The following PAK6 variants were observed in gnomAD, a reference collection of about 807,000 sequenced individuals.
PAK6 encodes serine/threonine-protein kinase PAK 6.
PAK6 carries 33 observed loss-of-function variants against 60.8 expected under a neutral mutation model. The observed-to-expected ratio is 0.54, with a 90% CI of 0.41 to 0.73. The LOEUF (loss-of-function observed/expected upper bound fraction) is 0.73, where lower values mean the gene tolerates loss of function less well. Ranked by LOEUF, PAK6 falls within the 30% of genes least tolerant of loss-of-function variation. The pLI is 0.00. For missense variants in PAK6, 845 were observed against 904.1 expected, an observed-to-expected ratio of 0.93 and a Z score of 0.84; for synonymous variants, 404 against 378.5, an observed-to-expected ratio of 1.07 and a Z score of -0.78.
intron 2 of PAK6, chr15:40,252,681 C>T: frequency 7.6e-7 from 1 of 1,311,172 alleles, no homozygotes. Context: ...CCTGGGCTTC[C>T]CGCTCCGCAG....
chr15:40,260,974 C>T (rs951707713), intron 3 of PAK6, among the ~76,000 whole-genome samples: 5 of 151,736 alleles, frequency 3.3e-5, no homozygotes, highest in South Asian at 2.1e-4. Flanking sequence ...CTGCAAGCTC[C>T]GCCTCCCAGG....
intron 5 of PAK6, among the ~76,000 whole-genome samples, chr15:40,268,059 A>G (rs1314311807): frequency 6.6e-6 from 1 of 152,180 alleles, no homozygotes; most frequent in African/African-American, 2.4e-5. Flanking sequence ...AGTACTCACC[A>G]TGGGCCACTG....
rs972693172 is a variant in PAK6, at chr15:40,274,021, A to G, written c.1744-121A>G. On this transcript the variant is annotated intron_variant, in intron 9 of 10. Transcript: ENST00000560346. ...AGGGCAGGTGACCAGGGGAGGAAGG[A>G]GACAGACCCACCAAGGAGAGCTGGG... The G allele has an allele frequency of 9.2e-6, 11 of 1,190,024 alleles. No individual in the cohort carries two copies. In the East Asian group the frequency reaches 2.3e-4, roughly 25 times the overall value. 73.7% of individuals were successfully genotyped at this position (1,190,024 alleles called of 1,614,324 possible). A position where few individuals can be genotyped will look rare whatever the true frequency, so the allele number is the denominator to read the frequency against.
intron 3 of PAK6, chr15:40,258,771 T>A (rs1442719189): frequency 6.6e-6 from 1 of 152,218 alleles, no homozygotes; most frequent in African/African-American, 2.4e-5. Context: ...CTTCTTGAAC[T>A]GGTTTGGGCT....
At position 40,273,689 on chromosome 15, in the gene PAK6, T is replaced by TC; in HGVS notation, c.1743+15dup. 6 of 1,612,354 alleles carry TC rather than the reference T, an allele frequency of 3.7e-6. No homozygotes were observed. Among genetic ancestry groups the TC allele is most frequent in the Non-Finnish European group, 5.1e-6 (6 of 1,178,856 alleles). On this transcript the variant is annotated intron_variant, in intron 9 of 10. Coordinates refer to ENST00000560346, the Ensembl canonical transcript of PAK6. Reference sequence around the variant, plus strand: ...GTATGCCACTGAGGTAACCGTTCCCTCCACCCCCCAGACCTCCCAAAAGCA... The same window carrying TC: ...GTATGCCACTGAGGTAACCGTTCCCTCCCACCCCCCAGACCTCCCAAAAGCA...
In PAK6 at chr15:40,266,166, GCA is replaced by G; in HGVS notation, c.532_533del (p.Gln178ValfsTer36). On this transcript the variant is annotated frameshift_variant, in exon 5 of 11. Coordinates refer to ENST00000560346, the Ensembl canonical transcript of PAK6. LOFTEE classifies it high-confidence loss of function. ...CCTGCCCAATGGGCTGGCTGCAAAG[GCA>G]CAGTCCCTGGGCCCCGCCGAGTTTC... 1 of 1,609,096 alleles carries G rather than the reference GCA, an allele frequency of 6.2e-7. No individual in the cohort carries two copies. The highest frequency in any genetic ancestry group is 2.2e-5 in the East Asian group (1 of 44,868).
chr15:40,253,495 C>A (rs2038748175), intron 3 of PAK6, among the ~76,000 whole-genome samples: 1 of 152,240 alleles, frequency 6.6e-6, no homozygotes, highest in Non-Finnish European at 1.5e-5. Flanking sequence ...GCCCCATGGC[C>A]CCACGGTAGG....
At chr15:40,251,589 T>G (rs1306791870) in intron 2 of PAK6, 1 of 152,532 alleles carries the variant, frequency 6.6e-6, no homozygotes, top group Non-Finnish European at 1.5e-5. Flanking sequence ...CTGTCCTTGG[T>G]CCCCGCTCTG....
chr15:40,272,709 G>T, exon 6 of PAK6: 1 of 1,589,648 alleles, frequency 6.3e-7, no homozygotes, highest in Non-Finnish European at 8.6e-7. Flanking sequence ...GCAGGGAGCT[G>T]CTCTTCAACG....
chr15:40,241,349 G>A (rs975032668), intron 2 of PAK6, among the ~76,000 whole-genome samples: 1 of 152,190 alleles, frequency 6.6e-6, no homozygotes, highest in Non-Finnish European at 1.5e-5. Context: ...TTCTGCCTGG[G>A]GTCTTCCTGA....
chr15:40,264,356 G>T (rs1030418682), intron 3 of PAK6: 2 of 447,446 alleles, frequency 4.5e-6, no homozygotes, highest in Non-Finnish European at 8.9e-6. Context: ...TCCTTATCTG[G>T]TTTTAAGAAT....
At chr15:40,265,781 AGCCACCCCTCCCT>A in intron 4 of PAK6, 48 bp from the exon 5 acceptor site, 1 of 1,459,908 alleles carries the variant, frequency 6.8e-7, no homozygotes, top group Non-Finnish European at 9.1e-7. Flanking sequence ...CTGATCTCCC[AGCCACCCCTCCCT>A]GCCACAATTG....
At chr15:40,248,588 GC>G (rs1405133132) in intron 2 of PAK6, among the ~76,000 whole-genome samples, 1 of 152,200 alleles carries the variant, frequency 6.6e-6, no homozygotes, top group African/African-American at 2.4e-5. Flanking sequence ...CTGGCTTGTG[GC>G]CAGGAAAGCC....
chr15:40,250,132 T>C (rs1052341768), intron 2 of PAK6, among the ~76,000 whole-genome samples: 2 of 152,230 alleles, frequency 1.3e-5, no homozygotes, highest in Non-Finnish European at 2.9e-5. Context: ...TGACACTTCC[T>C]GTGCTGTTGT....
At chr15:40,274,230 A>G (rs1462092175) in exon 10 of PAK6, 1 of 1,613,590 alleles carries the variant, frequency 6.2e-7, no homozygotes, top group South Asian at 1.1e-5. Flanking sequence ...CAAGCCATGA[A>G]GAGGCTCCGG....
intron 5 of PAK6, among the ~76,000 whole-genome samples, chr15:40,270,899 CG>C (rs1404086862): frequency 6.6e-6 from 1 of 152,074 alleles, no homozygotes; most frequent in Non-Finnish European, 1.5e-5. Context: ...TGCGGGGGGT[CG>C]GGGAAGGAAG....
chr15:40,252,956 G>T, intron 2 of PAK6: 1 of 851,248 alleles, frequency 1.2e-6, no homozygotes, highest in Non-Finnish European at 1.5e-6. Flanking sequence ...CCGGGTCGGA[G>T]TGTGGCTGGA....
At chr15:40,252,304 G>C (rs1178289953) in intron 2 of PAK6, 4 of 1,232,854 alleles carry the variant, frequency 3.2e-6, no homozygotes, top group South Asian at 1.4e-5. Flanking sequence ...TCTCCAGGTC[G>C]GGTCTCCGCG....
At chr15:40,267,439 C>T (rs1414473255) in intron 5 of PAK6, among the ~76,000 whole-genome samples, 7 of 152,164 alleles carry the variant, frequency 4.6e-5, no homozygotes, top group Non-Finnish European at 7.4e-5. Context: ...GGATGGGTCA[C>T]GAGGTCAGGA....
Sources: allele counts gnomAD v4.1 joint callset (sites outside exome capture counted in the v4.1 genomes callset), GRCh38; gene constraint gnomAD v4.1.1; transcripts MANE v1.5; gene names NCBI Gene and HGNC (gene_info 2026-07-23, HGNC 2026-07-21).